NBPF11: variants seen among roughly 807,000 people sequenced by gnomAD.
NBPF11 encodes the protein NBPF member 11.
In NBPF11, 72 loss-of-function variants were observed where a neutral mutation model predicts 93.9. The observed-to-expected ratio is 0.77, with a 90% CI of 0.63 to 0.93. The LOEUF is 0.93. Among genes scored for constraint, NBPF11 ranks in the 40% least tolerant of loss-of-function variants. The probability of loss-of-function intolerance (pLI) is 0.00; values close to 1 mark genes in which losing one functional copy is unlikely to be tolerated. For missense variants in NBPF11, 705 were observed against 802.2 expected (o/e 0.88, Z 1.46); for synonymous variants, 224 against 304.9 (o/e 0.73, Z 2.76).
At chr1:148,125,215 C>T (rs1303076216) in intron 5 of NBPF11, among the ~76,000 whole-genome samples, 9 of 152,066 alleles carry the variant, frequency 5.9e-5, no homozygotes, top group South Asian at 2.1e-4. Flanking sequence ...AACTCAAGGG[C>T]GCATCAAGGA....
In NBPF11 at chr1:148,144,070, A is replaced by T. The variant is rs1245529509; in HGVS notation, c.-548-384T>A. ...TAGAGTTCTGACTAAATATTTGAGTAGCCAGGGAAGTTTTCACAAAGTAAG... is the reference window on the plus strand; with the variant it reads ...TAGAGTTCTGACTAAATATTTGAGTTGCCAGGGAAGTTTTCACAAAGTAAG... On this transcript the variant is annotated intron_variant, in intron 1 of 23. Coordinates refer to ENST00000682118, the MANE Select transcript of NBPF11 (RefSeq NM_001385469.3). 2.0e-5 allele frequency among the ~76,000 whole-genome samples: 3 copies of T among 151,900 alleles called. No homozygotes were observed. The East Asian group carries it at 5.8e-4, about 29-fold the overall frequency.
At chr1:148,133,708 C>T (rs1251261801) in intron 4 of NBPF11, among the ~76,000 whole-genome samples, 19,717 of 149,182 alleles carry the variant, frequency 0.13, 904 homozygotes, top group East Asian at 0.26. Flanking sequence ...GAGGCTGAGG[C>T]GGGCGGATCA....
In NBPF11 at chr1:148,124,970, A is replaced by G; in HGVS notation, c.207T>C (p.Phe69=). 6.2e-7 allele frequency: 1 copy of G among 1,606,706 alleles called. No individual in the cohort carries two copies. Among genetic ancestry groups the G allele is most frequent in the South Asian group, 1.1e-5 (1 of 90,972 alleles). Residue 69 remains phenylalanine, a synonymous_variant, in exon 6 of 24, where the codon TTT becomes TTC. Transcript: ENST00000682118. ...KYEECKDLIK[F]MLRNERQFKE... ...TGAACTGTCGCTCATTCCTCAGCATAAATTTTATGAGGTCTTTACACTCTT... is the reference window on the plus strand; with the variant it reads ...TGAACTGTCGCTCATTCCTCAGCATGAATTTTATGAGGTCTTTACACTCTT...
At chr1:148,117,221 A>G (rs1258791341) in intron 12 of NBPF11, among the ~76,000 whole-genome samples, 3 of 150,896 alleles carry the variant, frequency 2.0e-5, no homozygotes, top group Admixed American at 6.6e-5. Flanking sequence ...TACTAAGAAC[A>G]TTGCCAAAAA....
Position 148,108,531 on chromosome 1 carries a change from G to C in NBPF11, c.1977C>G (p.Ala659=), listed in dbSNP as rs1463418402. Residue 659 remains alanine (A), a synonymous_variant, in exon 18 of 24, where the codon GCC becomes GCG. Transcript: ENST00000682118. ...TACGCTGTTGCTCCAATACGTAAAA[G>C]GCACTTCTGTAGGGCTGGCATGAGT... ...LTDSCQPYRS[A]FYVLEQQRIG... 7 of 1,601,824 alleles carry C rather than the reference G, an allele frequency of 4.4e-6. No homozygotes were observed. In the African/African-American group the frequency reaches 8.1e-5, roughly 19 times the overall value.
At chr1:148,145,338 A>AC (rs1672831378) in intron 1 of NBPF11, among the ~76,000 whole-genome samples, 1 of 142,398 alleles carries the variant, frequency 7.0e-6, no homozygotes, top group Non-Finnish European at 1.5e-5. Flanking sequence ...CAGCCTCCTG[A>AC]GTAGCTGGGA....
At chr1:148,125,862 C>A in intron 5 of NBPF11, among the ~76,000 whole-genome samples, 1 of 151,962 alleles carries the variant, frequency 6.6e-6, no homozygotes. Flanking sequence ...CCCTGCTTTG[C>A]ACACTGCACT....
Position 148,135,814 on chromosome 1 carries a change from C to T in NBPF11, c.-177-1G>A, listed in dbSNP as rs1671184667. 3.1e-6 allele frequency: 2 copies of T among 654,770 alleles called. No individual in the cohort carries two copies. The highest frequency in any genetic ancestry group is 2.7e-5 in the East Asian group (1 of 37,008). 40.6% of individuals were successfully genotyped at this position (654,770 alleles called of 1,614,324 possible). A position where few individuals can be genotyped will look rare whatever the true frequency, so the allele number is the denominator to read the frequency against. The stretch of plus-strand genomic sequence containing the variant: ...GTTTGACCATCCTTATCTTCAAGGG[C>T]TACCAAGAAGAAACAAATAATTTAT... On this transcript the variant is annotated splice_acceptor_variant, in intron 3 of 23. Transcript: ENST00000682118. LOFTEE classifies it low-confidence loss of function (5UTR_SPLICE).
chr1:148,103,451 C>A lies in NBPF11; in HGVS notation c.*445G>T. The A allele has an allele frequency of 2.8e-6, 2 of 724,236 alleles. No individual in the cohort carries two copies. Among genetic ancestry groups the A allele is most frequent in the South Asian group, 3.6e-5 (2 of 55,108 alleles). 44.9% of individuals were successfully genotyped at this position (724,236 alleles called of 1,614,324 possible). A position where few individuals can be genotyped will look rare whatever the true frequency, so the allele number is the denominator to read the frequency against. On this transcript the variant is annotated 3_prime_UTR_variant, in exon 24 of 24. Transcript: ENST00000682118. ...TCCGACTGATCACTCCCGGCATGTG[C>A]TGCACAGTTATGTGAACGTGTCACA...
chr1:148,120,983 G>C (rs1439928282), intron 9 of NBPF11, among the ~76,000 whole-genome samples: 1 of 151,890 alleles, frequency 6.6e-6, no homozygotes, highest in Non-Finnish European at 1.5e-5. Flanking sequence ...TCCCATGAGT[G>C]GCCAATGTTT....
intron 6 of NBPF11, 21 bp downstream of exon 6, chr1:148,124,878 C>T (rs1248826751): frequency 6.2e-6 from 10 of 1,606,866 alleles, no homozygotes; most frequent in Non-Finnish European, 7.6e-6. Context: ...CTGCCTGTCT[C>T]CCCCTACGGG....
chr1:148,140,866 G>A (rs1672053010), intron 2 of NBPF11, among the ~76,000 whole-genome samples: 1 of 151,582 alleles, frequency 6.6e-6, no homozygotes, highest in South Asian at 2.1e-4. Context: ...AGTACTTACA[G>A]CAATTTTATC....
At chr1:148,120,875 C>A (rs1379039773) in intron 9 of NBPF11, among the ~76,000 whole-genome samples, 165 bp from the exon 10 acceptor site, 31 of 151,924 alleles carry the variant, frequency 2.0e-4, no homozygotes, top group Non-Finnish European at 4.0e-4. Flanking sequence ...TTTAAGTCAA[C>A]TTGTCTTAGC....
rs1662819586 is a variant in NBPF11 at position 148,103,702 on chromosome 1, C to G, written c.*194G>C. ...GGAATATGACTCCCATCTGGAAGAC[C>G]AGGTGGAGACTTCTCACCGTCAAAG... On this transcript the variant is annotated 3_prime_UTR_variant, in exon 24 of 24. Transcript: ENST00000682118. 1.2e-6 allele frequency: 2 copies of G among 1,611,306 alleles called. No individual in the cohort carries two copies. The highest frequency in any genetic ancestry group is 1.7e-6 in the Non-Finnish European group (2 of 1,179,328).
Position 148,106,175 on chromosome 1 carries a change from A to C in NBPF11, c.2303+6T>G. 1 of 859,766 alleles carries C rather than the reference A, an allele frequency of 1.2e-6. No homozygotes were observed. The highest frequency in any genetic ancestry group is 2.0e-6 in the Non-Finnish European group (1 of 495,230). The allele number at this position is 859,766 out of a possible 1,614,324, so 53.3% of individuals were successfully genotyped here. On this transcript the variant is annotated splice_donor_region_variant and intron_variant, in intron 21 of 23. Coordinates refer to ENST00000682118, the MANE Select transcript of NBPF11 (RefSeq NM_001385469.3). ...CAGAAGTAGCTGTTCACAATTGCTC[A>C]GTTACCTGGGGCACGGTGGGCCTTG... is the stretch of plus-strand genomic sequence containing the variant.
At chr1:148,115,471 G>A (rs1398504565) in intron 14 of NBPF11, among the ~76,000 whole-genome samples, 30 of 150,994 alleles carry the variant, frequency 2.0e-4, no homozygotes, top group Non-Finnish European at 3.1e-4. Flanking sequence ...CATGGACATT[G>A]TTCAGGGACA....
rs782808277 is a variant in NBPF11, at chr1:148,121,654, C to CA, written c.778+400dup. Among the ~76,000 whole-genome samples, 517 of 149,574 alleles carry CA rather than the reference C, an allele frequency of 3.5e-3. 13 individuals carry two copies. The East Asian group carries it at 0.041, about 12-fold the overall frequency. On this transcript the variant is annotated intron_variant, in intron 9 of 23. Transcript: ENST00000682118. The stretch of plus-strand genomic sequence containing the variant: ...ACAGGTGTGACCCACTGCGCCCAGC[C>CA]AAGACTTATTAATAGCTAAGACAAG...
Position 148,103,884 on chromosome 1 carries a change from C to T in NBPF11, c.*12G>A. On this transcript the variant is annotated 3_prime_UTR_variant, in exon 24 of 24. Coordinates refer to ENST00000682118, the MANE Select transcript of NBPF11 (RefSeq NM_001385469.3). ...AGTGAGTCCTGTAAGACTTCAGGCA[C>T]TTCCACTTCCATCAGCACGCTGCTG... 1.2e-6 allele frequency: 2 copies of T among 1,611,100 alleles called. No homozygotes were observed. Among genetic ancestry groups the T allele is most frequent in the Non-Finnish European group, 8.5e-7 (1 of 1,179,258 alleles).
chr1:148,105,335 A>T lies in NBPF11; in HGVS notation c.2472+25T>A, dbSNP rs1464749696. The T allele has an allele frequency of 4.6e-5, 35 of 756,300 alleles. 3 individuals carry two copies. The highest frequency in any genetic ancestry group is 2.1e-4 in the Admixed American group (12 of 55,904). The allele number at this position is 756,300 out of a possible 1,614,324, so 46.8% of individuals were successfully genotyped here. A position where few individuals can be genotyped will look rare whatever the true frequency, so the allele number is the denominator to read the frequency against. On this transcript the variant is annotated intron_variant, in intron 22 of 23. Transcript: ENST00000682118. ...TATATGGAAGACTCAGTGGATCCTT[A>T]TCACCTTCATAGAAAGGTACTCACC...
Sources: allele counts gnomAD v4.1 joint callset (sites outside exome capture counted in the v4.1 genomes callset), GRCh38; gene constraint gnomAD v4.1.1; transcripts MANE v1.5; gene names NCBI Gene and HGNC (gene_info 2026-07-23, HGNC 2026-07-21).